The following GUCA1C variants were observed in gnomAD, a reference collection of about 807,000 sequenced individuals.
GUCA1C encodes guanylate cyclase activator 1C.
In GUCA1C, 15 loss-of-function variants were observed where a neutral mutation model predicts 16.2. The observed-to-expected ratio is 0.93, with a 90% CI of 0.62 to 1.43. The LOEUF is 1.43. GUCA1C is among the 40% of genes most tolerant of loss of function. GUCA1C has a pLI of 0.00. For missense variants in GUCA1C, 275 were observed against 244.8 expected (o/e 1.12, Z -0.82); for synonymous variants, 78 against 85.4 (o/e 0.91, Z 0.48).
Position 108,934,981 on chromosome 3 carries a change from T to C in GUCA1C, c.205-14396A>G, listed in dbSNP as rs566022201. 7.4e-3 allele frequency among the ~76,000 whole-genome samples: 1,120 copies of C among 151,714 alleles called. 26 individuals are homozygous for C. Among genetic ancestry groups the C allele is most frequent in the African/African-American group, 0.026 (1,078 of 41,390 alleles). On this transcript the variant is annotated intron_variant, in intron 1 of 3. Coordinates refer to ENST00000261047, the MANE Select transcript of GUCA1C (RefSeq NM_005459.4). ...GGCGCCCGCCACCACGCCCGGCTAA[T>C]TTTTTGTATTTTTAGTAGAGACGGG...
At chr3:108,911,527 A>G (rs1946452978) in intron 3 of GUCA1C, among the ~76,000 whole-genome samples, 2 of 152,224 alleles carry the variant, frequency 1.3e-5, no homozygotes, top group South Asian at 4.1e-4. Flanking sequence ...ATGCTGGTGA[A>G]GATTTTGAAT....
intron 2 of GUCA1C, 113 bp from the exon 3 acceptor site, chr3:108,916,327 A>G: frequency 1.1e-6 from 1 of 874,118 alleles, no homozygotes; most frequent in South Asian, 1.6e-5. Context: ...TTGCTATCCA[A>G]CCTGTACCAG....
At chr3:108,942,774 T>C (rs967492883) in intron 1 of GUCA1C, among the ~76,000 whole-genome samples, 3 of 152,210 alleles carry the variant, frequency 2.0e-5, no homozygotes, top group African/African-American at 7.2e-5. Flanking sequence ...GTGCCTATCT[T>C]CCCCACTAGA....
intron 1 of GUCA1C, among the ~76,000 whole-genome samples, chr3:108,925,007 G>C (rs1946608854): frequency 6.6e-6 from 1 of 151,388 alleles, no homozygotes; most frequent in African/African-American, 2.4e-5. Flanking sequence ...GAGCTTATTT[G>C]GATCTTCTCT....
At chr3:108,914,191 T>G (rs985678148) in intron 3 of GUCA1C, among the ~76,000 whole-genome samples, 1 of 152,216 alleles carries the variant, frequency 6.6e-6, no homozygotes, top group African/African-American at 2.4e-5. Flanking sequence ...TTGTTGTAAG[T>G]GAAAGAGCTC....
chr3:108,937,582 CTAATAA>C (rs1393908890), intron 1 of GUCA1C, among the ~76,000 whole-genome samples: 1 of 152,144 alleles, frequency 6.6e-6, no homozygotes, highest in Non-Finnish European at 1.5e-5. Flanking sequence ...ACAGACTGAA[CTAATAA>C]TAATAACATA....
rs1188637037 is a variant in GUCA1C at position 108,909,856 on chromosome 3, A to C, written c.443-1647T>G. On this transcript the variant is annotated intron_variant, in intron 3 of 3. Coordinates refer to ENST00000261047, the MANE Select transcript of GUCA1C (RefSeq NM_005459.4). ...CAAATCATCAAACTCTACCTATAGT[A>C]ACATGTTTACCATATCTAAACTACT... 4.6e-5 allele frequency among the ~76,000 whole-genome samples: 7 copies of C among 152,224 alleles called. No homozygotes were observed. In the East Asian group the frequency reaches 1.3e-3, roughly 29 times the overall value.
At chr3:108,922,791 T>C (rs1946582048) in intron 1 of GUCA1C, among the ~76,000 whole-genome samples, 1 of 152,118 alleles carries the variant, frequency 6.6e-6, no homozygotes, top group Non-Finnish European at 1.5e-5. Context: ...TCATCTACAT[T>C]AGGTATTTCT....
At chr3:108,909,821 AT>A (rs965768201) in intron 3 of GUCA1C, among the ~76,000 whole-genome samples, 9 of 152,270 alleles carry the variant, frequency 5.9e-5, no homozygotes, top group East Asian at 3.9e-4. Context: ...ATAAAAAAAA[AT>A]CTCTGTTCCA....
intron 1 of GUCA1C, among the ~76,000 whole-genome samples, chr3:108,953,121 A>C (rs1252958306): frequency 6.6e-6 from 1 of 152,202 alleles, no homozygotes; most frequent in Non-Finnish European, 1.5e-5. Flanking sequence ...ATGTTGGCTA[A>C]TTTGTATTGA....
chr3:108,936,541 T>C (rs1359412038), intron 1 of GUCA1C, among the ~76,000 whole-genome samples: 1 of 152,122 alleles, frequency 6.6e-6, no homozygotes, highest in African/African-American at 2.4e-5. Context: ...TTAAACCCAG[T>C]CAGCCACACT....
At chr3:108,939,828 T>A (rs1946768155) in intron 1 of GUCA1C, among the ~76,000 whole-genome samples, 1 of 152,174 alleles carries the variant, frequency 6.6e-6, no homozygotes. Context: ...ATTAGAATCA[T>A]CAGGCAGCTT....
intron 2 of GUCA1C, among the ~76,000 whole-genome samples, chr3:108,918,819 G>A (rs1946544541): frequency 6.6e-6 from 1 of 151,984 alleles, no homozygotes; most frequent in South Asian, 2.1e-4. Context: ...TAGAAAGTGT[G>A]TTCCTAGGCT....
chr3:108,926,814 T>C (rs971726935), intron 1 of GUCA1C, among the ~76,000 whole-genome samples: 2 of 151,926 alleles, frequency 1.3e-5, no homozygotes, highest in Non-Finnish European at 1.5e-5. Flanking sequence ...GTGTTATTGT[T>C]ATATAGGTCC....
At chr3:108,915,455 A>G (rs1355757718) in intron 3 of GUCA1C, among the ~76,000 whole-genome samples, 1 of 152,210 alleles carries the variant, frequency 6.6e-6, no homozygotes, top group Non-Finnish European at 1.5e-5. Flanking sequence ...TATCAAAGCT[A>G]CATGGTAGAA....
chr3:108,922,731 G>A (rs1277200972), intron 1 of GUCA1C, among the ~76,000 whole-genome samples: 3 of 152,024 alleles, frequency 2.0e-5, no homozygotes, highest in Non-Finnish European at 2.9e-5. Context: ...GTGCAGGTTT[G>A]TTACACAGGT....
intron 1 of GUCA1C, among the ~76,000 whole-genome samples, chr3:108,937,195 T>C (rs1396123124): frequency 6.6e-6 from 1 of 152,190 alleles, no homozygotes. Context: ...CTGTGCAGTC[T>C]GTCTTTGCTT....
intron 2 of GUCA1C, among the ~76,000 whole-genome samples, chr3:108,918,902 AT>A (rs1203778969): frequency 2.0e-5 from 3 of 151,994 alleles, no homozygotes; most frequent in African/African-American, 4.8e-5. Flanking sequence ...GTTTTTTAAA[AT>A]TTTTTGCTAT....
At chr3:108,953,470 C>T in intron 1 of GUCA1C, 89 bp downstream of exon 1, 1 of 845,724 alleles carries the variant, frequency 1.2e-6, no homozygotes, top group Non-Finnish European at 1.9e-6. Context: ...ACACATTTTA[C>T]TTAAGGCTAT....
Sources: allele counts gnomAD v4.1 joint callset (sites outside exome capture counted in the v4.1 genomes callset), GRCh38; gene constraint gnomAD v4.1.1; transcripts MANE v1.5; gene names NCBI Gene and HGNC (gene_info 2026-07-23, HGNC 2026-07-21).